Variants in WDPCP observed in about 807,000 individuals in gnomAD.
WDPCP encodes WD repeat containing planar cell polarity effector.
WDPCP carries 71 observed loss-of-function variants against 93.1 expected under a neutral mutation model. That is an observed-to-expected ratio of 0.76 (90% CI 0.63 to 0.93). The LOEUF (loss-of-function observed/expected upper bound fraction) is 0.93, where lower values mean the gene tolerates loss of function less well. WDPCP is among the 40% of genes least tolerant of loss of function. The pLI is 0.00. For missense variants in WDPCP, 844 were observed against 887.4 expected, an observed-to-expected ratio of 0.95 and a Z score of 0.62; for synonymous variants, 315 against 315.0, an observed-to-expected ratio of 1.00 and a Z score of 0.00.
Position 63,259,315 on chromosome 2 carries a change from G to A in WDPCP, c.1907C>T (p.Ser636Phe). 3 of 1,612,456 alleles carry A rather than the reference G, an allele frequency of 1.9e-6. No homozygotes were observed. The highest frequency in any genetic ancestry group is 2.5e-6 in the Non-Finnish European group (3 of 1,179,332). ...ATAGCGTTAATTCTTACCAACCCCA[G>A]AGGTTATTGATTCTGCATCAATGTC... is the stretch of plus-strand genomic sequence containing the variant. ...ASDIDAESIT[S>F]GVELLGPLDR... Residue 636 changes from serine to phenylalanine, a missense_variant, in exon 14 of 18, where the codon TCT (serine) becomes TTT (phenylalanine). Coordinates refer to ENST00000272321, the MANE Select transcript of WDPCP (RefSeq NM_015910.7).
At chr2:63,366,966 G>A (rs1690960923) in intron 12 of WDPCP, among the ~76,000 whole-genome samples, 1 of 151,720 alleles carries the variant, frequency 6.6e-6, no homozygotes, top group Non-Finnish European at 1.5e-5. Context: ...TAGAATGTGA[G>A]GTTTAAATGT....
At chr2:63,210,595 T>A (rs1676700827) in intron 14 of WDPCP, among the ~76,000 whole-genome samples, 1 of 152,086 alleles carries the variant, frequency 6.6e-6, no homozygotes, top group Non-Finnish European at 1.5e-5. Flanking sequence ...CTGGGGCTTG[T>A]CAGACAGTGG....
chr2:63,338,680 C>CT (rs1482584274), intron 12 of WDPCP, among the ~76,000 whole-genome samples: 2 of 142,296 alleles, frequency 1.4e-5, no homozygotes, highest in African/African-American at 5.1e-5. Context: ...TCGCAAATGA[C>CT]TTGTCTATAA....
chr2:63,832,489 A>C (rs972203699), upstream of WDPCP, among the ~76,000 whole-genome samples: 1 of 152,204 alleles, frequency 6.6e-6, no homozygotes, highest in Non-Finnish European at 1.5e-5. Flanking sequence ...GCAAAAGAGC[A>C]AGGGGCACAG....
At chr2:63,774,683 C>T (rs562156858) in intron 2 of WDPCP, among the ~76,000 whole-genome samples, 10 of 152,288 alleles carry the variant, frequency 6.6e-5, no homozygotes, top group East Asian at 3.9e-4. Flanking sequence ...ACTTGGCCAA[C>T]AGTCCTCCTA....
chr2:63,660,329 A>G (rs1000561405), intron 2 of WDPCP, among the ~76,000 whole-genome samples: 2 of 152,206 alleles, frequency 1.3e-5, no homozygotes, highest in African/African-American at 2.4e-5. Flanking sequence ...AGAGAAAGAA[A>G]AAATTCCTTT....
chr2:63,494,810 C>T (rs1013334774), intron 1 of WDPCP, among the ~76,000 whole-genome samples: 1 of 151,560 alleles, frequency 6.6e-6, no homozygotes, highest in Admixed American at 6.6e-5. Context: ...GTCCCACCTA[C>T]TCGGGAGGCT....
At chr2:63,390,972 T>C (rs1389263562) in intron 10 of WDPCP, among the ~76,000 whole-genome samples, 1 of 151,112 alleles carries the variant, frequency 6.6e-6, no homozygotes, top group Admixed American at 6.6e-5. Flanking sequence ...CAAAGAGGAG[T>C]TGGTACCATT....
intron 14 of WDPCP, among the ~76,000 whole-genome samples, chr2:63,257,448 T>A (rs1340385188): frequency 6.6e-6 from 1 of 152,076 alleles, no homozygotes; most frequent in East Asian, 1.9e-4. Context: ...GAATTATGAG[T>A]GAGAATCACC....
chr2:63,837,482 G>A, the WDPCP span, among the ~76,000 whole-genome samples: 1 of 152,270 alleles, frequency 6.6e-6, no homozygotes, highest in African/African-American at 2.4e-5. Flanking sequence ...AACACTTTGG[G>A]CATGACACAG....
chr2:63,570,283 G>A (rs778663402), intron 1 of WDPCP, among the ~76,000 whole-genome samples: 2 of 152,204 alleles, frequency 1.3e-5, no homozygotes, highest in Non-Finnish European at 2.9e-5. Flanking sequence ...AAAAAGGTCT[G>A]AAAACATATG....
At chr2:63,794,288 A>G (rs776938737) in intron 2 of WDPCP, among the ~76,000 whole-genome samples, 1 of 152,278 alleles carries the variant, frequency 6.6e-6, no homozygotes, top group Non-Finnish European at 1.5e-5. Flanking sequence ...TAAGGAATTG[A>G]CCCCAGCAAT....
At chr2:63,636,314 A>C (rs1288921502) in intron 3 of WDPCP, among the ~76,000 whole-genome samples, 1 of 152,260 alleles carries the variant, frequency 6.6e-6, no homozygotes, top group Non-Finnish European at 1.5e-5. Context: ...TCTTTGTCAA[A>C]ATTTTATCAT....
At chr2:63,354,374 G>A (rs1429351889) in intron 12 of WDPCP, among the ~76,000 whole-genome samples, 1 of 152,160 alleles carries the variant, frequency 6.6e-6, no homozygotes, top group Non-Finnish European at 1.5e-5. Context: ...AGTTGGGGAA[G>A]GAACATAAAC....
At chr2:63,595,570 A>AACCTAAAACCTGTATTTTG in intron 3 of WDPCP, 1 of 1,205,496 alleles carries the variant, frequency 8.3e-7, no homozygotes, top group Non-Finnish European at 1.2e-6. Context: ...TTCTTACAAA[A>AACCTAAAACCTGTATTTTG]TACAGGTTTT....
intron 2 of WDPCP, among the ~76,000 whole-genome samples, chr2:63,757,262 G>A (rs1221983083): frequency 6.6e-6 from 1 of 152,150 alleles, no homozygotes; most frequent in Non-Finnish European, 1.5e-5. Context: ...CTCAAACACA[G>A]GTAGGGGGCC....
intron 17 of WDPCP, among the ~76,000 whole-genome samples, chr2:63,135,944 G>T (rs1317513435): frequency 6.6e-6 from 1 of 152,060 alleles, no homozygotes; most frequent in African/African-American, 2.4e-5. Context: ...ATGTTGCCCA[G>T]GCTGGTTCAA....
intron 2 of WDPCP, chr2:63,752,253 C>T (rs1443586845): frequency 5.1e-6 from 4 of 783,118 alleles, no homozygotes; most frequent in Non-Finnish European, 6.7e-6. Context: ...TCAATTTTTC[C>T]ATACTGTTCA....
rs373456348 is a variant in WDPCP, at chr2:63,437,404, T to A, written c.633+17A>T. 1.9e-5 allele frequency: 30 copies of A among 1,576,216 alleles called. No homozygotes were observed. Among genetic ancestry groups the A allele is most frequent in the Non-Finnish European group, 2.6e-5 (30 of 1,154,306 alleles). On this transcript the variant is annotated intron_variant, in intron 8 of 17. Coordinates refer to ENST00000272321, the MANE Select transcript of WDPCP (RefSeq NM_015910.7). ...CTTAATAATTAATAATATGACTATA[T>A]AAATCAAAATCTCTACCTTATAATC...
Sources: allele counts gnomAD v4.1 joint callset (sites outside exome capture counted in the v4.1 genomes callset), GRCh38; gene constraint gnomAD v4.1.1; transcripts MANE v1.5; gene names NCBI Gene and HGNC (gene_info 2026-07-23, HGNC 2026-07-21).